Variants in GABRB3 observed in about 807,000 individuals in gnomAD.
GABRB3 encodes gamma-aminobutyric acid receptor subunit beta-3.
GABRB3 carries 14 observed loss-of-function variants against 52.1 expected under a neutral mutation model. The observed-to-expected ratio is 0.27, with a 90% CI of 0.18 to 0.42. The LOEUF (loss-of-function observed/expected upper bound fraction) is 0.42. Among genes scored for constraint, GABRB3 ranks in the 10% least tolerant of loss-of-function variants. The pLI is 1.00. For synonymous variants in GABRB3, 260 were observed against 232.3 expected (o/e 1.12, Z -1.08); for missense variants, 307 against 609.1 (o/e 0.50, Z 5.22).
chr15:26,635,505 A>G (rs1222457972), intron 3 of GABRB3, among the ~76,000 whole-genome samples: 1 of 146,420 alleles, frequency 6.8e-6, no homozygotes, highest in Non-Finnish European at 1.5e-5. Context: ...TCCCTTCAAG[A>G]GAGCAGACAA....
At chr15:26,768,824 G>GA (rs1404820442) in intron 3 of GABRB3, among the ~76,000 whole-genome samples, 2 of 151,630 alleles carry the variant, frequency 1.3e-5, no homozygotes, top group Non-Finnish European at 2.9e-5. Context: ...AAGAATGTAC[G>GA]AAAAGAAACA....
upstream of GABRB3, chr15:26,773,094 GA>G: frequency 2.1e-5 from 19 of 923,816 alleles, no homozygotes; most frequent in Non-Finnish European, 2.5e-5. Flanking sequence ...GGCGGAGGGG[GA>G]GGGGAGGAGG....
chr15:26,759,044 T>C (rs12591750), intron 3 of GABRB3, among the ~76,000 whole-genome samples: 13,700 of 152,194 alleles, frequency 0.09, 879 homozygotes, highest in East Asian at 0.28. Context: ...TAATCCTGAC[T>C]GGGTAGTTTC....
intron 4 of GABRB3, among the ~76,000 whole-genome samples, chr15:26,604,927 C>A (rs1369994795): frequency 6.6e-6 from 1 of 152,032 alleles, no homozygotes; most frequent in African/African-American, 2.4e-5. Context: ...GGGATCACAT[C>A]AAGTTAAAAA....
At chr15:26,630,305 C>G (rs1333760765) in intron 3 of GABRB3, among the ~76,000 whole-genome samples, 1 of 152,184 alleles carries the variant, frequency 6.6e-6, no homozygotes, top group African/African-American at 2.4e-5. Flanking sequence ...TGACAGGTTC[C>G]TGTGGACATT....
intron 3 of GABRB3, among the ~76,000 whole-genome samples, chr15:26,746,582 GT>G (rs34645426): frequency 0.26 from 32,947 of 125,556 alleles, 3,482 homozygotes; most frequent in Non-Finnish European, 0.29. Flanking sequence ...TCCGTTTTTT[GT>G]TTTTTTTTTT....
intron 6 of GABRB3, chr15:26,569,173 C>CT (rs1890299624): frequency 6.6e-6 from 1 of 152,254 alleles, no homozygotes; most frequent in African/African-American, 2.4e-5. Context: ...AGATTCTTCT[C>CT]TTTGGCAGTC....
At chr15:26,597,461 T>C (rs973064648) in intron 4 of GABRB3, among the ~76,000 whole-genome samples, 2 of 152,154 alleles carry the variant, frequency 1.3e-5, no homozygotes, top group South Asian at 2.1e-4. Flanking sequence ...GGTGACAAGA[T>C]AGAGGAGACT....
intron 4 of GABRB3, chr15:26,614,511 G>A (rs2140523595): frequency 6.6e-6 from 1 of 152,252 alleles, no homozygotes; most frequent in African/African-American, 2.4e-5. Context: ...TGGTGGGAGT[G>A]TAAATTGGCA....
chr15:26,603,633 C>T (rs1158652808), intron 4 of GABRB3, among the ~76,000 whole-genome samples: 1 of 151,962 alleles, frequency 6.6e-6, no homozygotes, highest in African/African-American at 2.4e-5. Context: ...GCAAATTAAT[C>T]AATGTGACAC....
chr15:26,714,435 A>G (rs532144515), intron 3 of GABRB3, among the ~76,000 whole-genome samples: 65 of 152,218 alleles, frequency 4.3e-4, no homozygotes, highest in Non-Finnish European at 7.5e-4. Context: ...GTTTGGTTTT[A>G]TACATTCTAG....
intron 3 of GABRB3, chr15:26,624,849 T>C (rs1011246851): frequency 1.0e-6 from 1 of 985,118 alleles, no homozygotes; most frequent in Non-Finnish European, 1.2e-6. Context: ...AATGCAGGGT[T>C]TTCCTGTTAC....
intron 3 of GABRB3, among the ~76,000 whole-genome samples, chr15:26,678,230 C>T (rs986604606): frequency 1.3e-5 from 2 of 152,168 alleles, no homozygotes; most frequent in African/African-American, 4.8e-5. Context: ...ATGATTTGGC[C>T]TCTCAGGAGG....
At chr15:26,600,931 G>A (rs1239465519) in intron 4 of GABRB3, among the ~76,000 whole-genome samples, 1 of 152,038 alleles carries the variant, frequency 6.6e-6, no homozygotes, top group African/African-American at 2.4e-5. Context: ...AAATTGTCAG[G>A]GAAAACACAT....
rs374472082 is a variant in GABRB3 at position 26,544,479 on chromosome 15, T to G, written c.*3314A>C. On this transcript the variant is annotated 3_prime_UTR_variant, in exon 9 of 9. Transcript: ENST00000311550. ...AAACACAATATTGCAGATGTACAGG[T>G]AGCTTCCAAATCTAATGGAAATATT... 6 of 152,342 alleles carry G rather than the reference T, an allele frequency of 3.9e-5. No individual in the cohort carries two copies. Among genetic ancestry groups the G allele is most frequent in the African/African-American group, 1.4e-4 (6 of 41,448 alleles). 9.4% of individuals were successfully genotyped at this position (152,342 alleles called of 1,614,324 possible). A position where few individuals can be genotyped will look rare whatever the true frequency, so the allele number is the denominator to read the frequency against.
intron 3 of GABRB3, among the ~76,000 whole-genome samples, chr15:26,692,811 G>A (rs1888627277): frequency 6.6e-6 from 1 of 152,168 alleles, no homozygotes; most frequent in Admixed American, 6.5e-5. Context: ...AGGATGCTTT[G>A]TGAATCAGAA....
intron 7 of GABRB3, among the ~76,000 whole-genome samples, chr15:26,565,929 A>G (rs1189725463): frequency 6.6e-6 from 1 of 152,184 alleles, no homozygotes; most frequent in Non-Finnish European, 1.5e-5. Context: ...TTTTTCTTAA[A>G]AGGGGGTGCT....
intron 3 of GABRB3, among the ~76,000 whole-genome samples, chr15:26,681,194 T>C (rs186080967): frequency 1.7e-3 from 254 of 152,290 alleles, no homozygotes; most frequent in Non-Finnish European, 2.9e-3. Context: ...GCGATCATCC[T>C]GGATTCCTTC....
chr15:26,699,696 C>T (rs182060210), intron 3 of GABRB3, among the ~76,000 whole-genome samples: 102 of 151,686 alleles, frequency 6.7e-4, no homozygotes, highest in Non-Finnish European at 7.9e-4. Flanking sequence ...CTAGAACTTG[C>T]AGGAGAAAAG....
Sources: allele counts gnomAD v4.1 joint callset (sites outside exome capture counted in the v4.1 genomes callset), GRCh38; gene constraint gnomAD v4.1.1; transcripts MANE v1.5; gene names NCBI Gene and HGNC (gene_info 2026-07-23, HGNC 2026-07-21).